Variants in TFEC observed in about 807,000 individuals in gnomAD.
The protein encoded by TFEC is transcription factor EC.
In TFEC, 31 loss-of-function variants were observed where a neutral mutation model predicts 41.6. That is an observed-to-expected ratio of 0.74 (90% CI 0.56 to 1.01). TFEC has a LOEUF of 1.01. Ranked by LOEUF, TFEC falls within the 50% of genes least tolerant of loss-of-function variation. The pLI is 0.00. For synonymous variants in TFEC, 143 were observed against 140.6 expected, an observed-to-expected ratio of 1.02 and a Z score of -0.12; for missense variants, 402 against 404.1, an observed-to-expected ratio of 0.99 and a Z score of 0.04.
In TFEC at chr7:116,026,479, C is replaced by A. The variant is rs140468749; in HGVS notation, c.-73+4154G>T. ...TTAGCATCCTCAGAACCTAGTACCG[C>A]ACCAGGTACACTCCTCCTCTACTTG... On this transcript the variant is annotated intron_variant, in intron 1 of 7. Coordinates refer to ENST00000265440, the MANE Select transcript of TFEC (RefSeq NM_012252.4). 1.1e-4 allele frequency among the ~76,000 whole-genome samples: 17 copies of A among 152,260 alleles called. No homozygotes were observed. The East Asian group carries it at 3.3e-3, about 29-fold the overall frequency.
intron 3 of TFEC, among the ~76,000 whole-genome samples, chr7:115,973,164 C>T (rs879285930): frequency 1.3e-5 from 2 of 151,880 alleles, no homozygotes; most frequent in Non-Finnish European, 2.9e-5. Flanking sequence ...AGAGTTAGTA[C>T]TGGTGACTTG....
upstream of TFEC, among the ~76,000 whole-genome samples, chr7:116,032,612 A>G (rs1795812915): frequency 6.6e-6 from 1 of 152,182 alleles, no homozygotes; most frequent in African/African-American, 2.4e-5. Context: ...CTTCTCTCTT[A>G]TAAGTGGGAG....
intron 1 of TFEC, among the ~76,000 whole-genome samples, chr7:116,148,981 A>T (rs1798703151): frequency 6.6e-6 from 1 of 152,210 alleles, no homozygotes; most frequent in South Asian, 2.1e-4. Context: ...GGATCCAGAA[A>T]GAATGATTGA....
intron 3 of TFEC, among the ~76,000 whole-genome samples, chr7:115,960,459 G>T (rs937476440): frequency 6.6e-6 from 1 of 151,502 alleles, no homozygotes; most frequent in Non-Finnish European, 1.5e-5. Flanking sequence ...AAAATTGATC[G>T]AATATCTTGG....
rs552289532 is a variant in TFEC, at chr7:116,090,073, T to A, written c.198+20635A>T. On this transcript the variant is annotated intron_variant, in intron 3 of 8. Coordinates refer to the TFEC transcript ENST00000484212. ...GGAATTGAAAGGAAAACCCTAACTT[T>A]CCATGCCTAAGTAACAAAAGGACAA... 7.2e-5 allele frequency among the ~76,000 whole-genome samples: 11 copies of A among 152,264 alleles called. No individual in the cohort carries two copies. The South Asian group carries it at 1.9e-3, about 26-fold the overall frequency.
chr7:116,030,763 T>C lies in TFEC; in HGVS notation c.-203A>G, dbSNP rs866304290. 5.1e-6 allele frequency: 5 copies of C among 985,248 alleles called. No homozygotes were observed. In the South Asian group the frequency reaches 1.4e-4, roughly 28 times the overall value. The allele number at this position is 985,248 out of a possible 1,614,324, so 61.0% of individuals were successfully genotyped here. ...AAACGATCTAGCCGTGAGTAATGAA[T>C]ACTTTGGGCTGGTTGGAATCCAGTT... On this transcript the variant is annotated 5_prime_UTR_variant, in exon 1 of 8. Transcript: ENST00000265440.
rs144997608 is a variant in TFEC, at chr7:115,999,513, T to C, written c.-72-15000A>G. On this transcript the variant is annotated intron_variant, in intron 1 of 7. Coordinates refer to ENST00000265440, the MANE Select transcript of TFEC (RefSeq NM_012252.4). ...AATAAAGTTTAAATGAAAGAAACCATACAAAAGATCAACAAAATGAAAAGT... is the reference window on the plus strand; with the variant it reads ...AATAAAGTTTAAATGAAAGAAACCACACAAAAGATCAACAAAATGAAAAGT... 3.5e-3 allele frequency among the ~76,000 whole-genome samples: 534 copies of C among 151,736 alleles called. 3 individuals carry two copies. In the South Asian group the frequency reaches 0.042, roughly 12 times the overall value.
At chr7:116,017,764 T>C (rs530710889) in intron 1 of TFEC, among the ~76,000 whole-genome samples, 5 of 152,220 alleles carry the variant, frequency 3.3e-5, no homozygotes, top group Non-Finnish European at 5.9e-5. Flanking sequence ...TACAAAAGCA[T>C]GGCTTCTCTC....
intron 3 of TFEC, 31 bp downstream of exon 3, chr7:115,974,138 TC>T: frequency 6.5e-7 from 1 of 1,539,830 alleles, no homozygotes; most frequent in East Asian, 2.4e-5. Flanking sequence ...CATTTCTGTT[TC>T]AATGACCTTC....
At chr7:116,122,175 C>T (rs897525126) in intron 1 of TFEC, among the ~76,000 whole-genome samples, 2 of 152,018 alleles carry the variant, frequency 1.3e-5, no homozygotes, top group Non-Finnish European at 2.9e-5. Context: ...GATAAGACCC[C>T]TGTTTGCACT....
intron 3 of TFEC, among the ~76,000 whole-genome samples, chr7:116,040,806 A>G (rs997982657): frequency 6.6e-6 from 1 of 152,154 alleles, no homozygotes; most frequent in Non-Finnish European, 1.5e-5. Flanking sequence ...ATGAGTTGTT[A>G]TACTCCATGC....
At position 116,117,368 on chromosome 7, in the gene TFEC, G is replaced by C. The variant is rs564902820; in HGVS notation, c.-68-5330C>G. ...TGTTAGTAAGTGTCAGAATTAACCA[G>C]ACAATAGGACAGACCTCTCCGTGAT... is the stretch of plus-strand genomic sequence containing the variant. On this transcript the variant is annotated intron_variant, in intron 1 of 8. Transcript: ENST00000484212. 3.3e-5 allele frequency: 5 copies of C among 151,878 alleles called. No individual in the cohort carries two copies. In the East Asian group the frequency reaches 9.7e-4, roughly 29 times the overall value. The allele number at this position is 151,878 out of a possible 1,614,324, so 9.4% of individuals were successfully genotyped here.
At chr7:116,138,733 T>G (rs980967864) in intron 1 of TFEC, among the ~76,000 whole-genome samples, 1 of 152,230 alleles carries the variant, frequency 6.6e-6, no homozygotes, top group African/African-American at 2.4e-5. Flanking sequence ...AACACAACTT[T>G]TAATTGTATT....
intron 3 of TFEC, among the ~76,000 whole-genome samples, chr7:116,044,811 C>T (rs963081283): frequency 6.6e-6 from 1 of 152,216 alleles, no homozygotes; most frequent in African/African-American, 2.4e-5. Context: ...CTTTAAGATG[C>T]AAAATACTCC....
chr7:115,957,988 A>C (rs1198089729), intron 3 of TFEC, among the ~76,000 whole-genome samples: 1 of 151,926 alleles, frequency 6.6e-6, no homozygotes, highest in Non-Finnish European at 1.5e-5. Flanking sequence ...AAATCACGTC[A>C]GTTTATATGC....
At chr7:116,055,734 A>G (rs898081479) in intron 3 of TFEC, among the ~76,000 whole-genome samples, 2 of 152,074 alleles carry the variant, frequency 1.3e-5, no homozygotes, top group Non-Finnish European at 2.9e-5. Flanking sequence ...AATAGGTATA[A>G]TAATTTTTTT....
At chr7:116,107,498 T>G (rs1374525868) in intron 3 of TFEC, among the ~76,000 whole-genome samples, 1 of 152,186 alleles carries the variant, frequency 6.6e-6, no homozygotes, top group Admixed American at 6.5e-5. Context: ...AAGCCTATAC[T>G]GTTTGCTGCA....
At chr7:116,078,248 A>C (rs989615077) in intron 3 of TFEC, among the ~76,000 whole-genome samples, 2 of 151,910 alleles carry the variant, frequency 1.3e-5, no homozygotes, top group Non-Finnish European at 2.9e-5. Flanking sequence ...AAAAAGCACA[A>C]ATGGGCAATC....
At chr7:116,017,264 C>T (rs142597111) in intron 1 of TFEC, among the ~76,000 whole-genome samples, 325 of 152,292 alleles carry the variant, frequency 2.1e-3, no homozygotes, top group Non-Finnish European at 3.4e-3. Flanking sequence ...CTCTGTCACC[C>T]AGGCTGGAGT....
Sources: gnomAD v4.1 joint callset for allele counts (sites outside exome capture counted in the v4.1 genomes callset) on GRCh38, gnomAD v4.1.1 for gene constraint, MANE v1.5 for transcripts, NCBI Gene and HGNC (gene_info 2026-07-23, HGNC 2026-07-21) for gene names.